The following ELMO1 variants were observed in gnomAD, a reference collection of about 807,000 sequenced individuals.
ELMO1 encodes engulfment and cell motility 1.
Under a neutral mutation model 98.9 loss-of-function variants are expected in ELMO1, and 26 were observed. That is an observed-to-expected ratio of 0.26 (90% CI 0.19 to 0.36). The LOEUF (loss-of-function observed/expected upper bound fraction) is 0.36, where lower values mean the gene tolerates loss of function less well. Ranked by LOEUF, ELMO1 falls within the 10% of genes least tolerant of loss-of-function variation. The pLI, the probability that ELMO1 is intolerant of heterozygous loss-of-function variation, is 1.00. For missense variants in ELMO1, 627 were observed against 935.2 expected (o/e 0.67, Z 4.30); for synonymous variants, 346 against 346.0 (o/e 1.00, Z 0.00).
chr7:37,294,709 T>C (rs1335995302), intron 4 of ELMO1, among the ~76,000 whole-genome samples: 2 of 152,170 alleles, frequency 1.3e-5, no homozygotes, highest in East Asian at 1.9e-4. Flanking sequence ...ATATCATAAA[T>C]TCATCTCAGG....
chr7:37,314,820 A>G, intron 4 of ELMO1, 30 bp downstream of exon 4: 1 of 1,574,284 alleles, frequency 6.4e-7, no homozygotes, highest in Non-Finnish European at 8.7e-7. Flanking sequence ...TTCAATATGT[A>G]TCCCATATTA....
At chr7:36,934,376 C>T (rs1021758649) in intron 16 of ELMO1, among the ~76,000 whole-genome samples, 6 of 152,208 alleles carry the variant, frequency 3.9e-5, no homozygotes, top group South Asian at 2.1e-4. Flanking sequence ...CAGCTCTGCA[C>T]GGAGGGAAGA....
At chr7:37,364,105 A>G (rs1801805002) in intron 1 of ELMO1, among the ~76,000 whole-genome samples, 2 of 152,194 alleles carry the variant, frequency 1.3e-5, no homozygotes, top group South Asian at 4.1e-4. Context: ...GAAGTCAGAC[A>G]ATACCCCCAA....
chr7:37,326,353 G>A (rs934306644), intron 2 of ELMO1, among the ~76,000 whole-genome samples: 6 of 152,014 alleles, frequency 3.9e-5, no homozygotes, highest in African/African-American at 9.7e-5. Context: ...TCAGGAGTTC[G>A]AGACCAGCCT....
chr7:37,155,487 CAAAAAAAAAAAAA>C (rs781745325), intron 13 of ELMO1, among the ~76,000 whole-genome samples: 1 of 49,594 alleles, frequency 2.0e-5, no homozygotes, highest in Admixed American at 2.5e-4. Flanking sequence ...AAACGGAAAG[CAAAAAAAAAAAAA>C]AAAAAAAAGC....
At chr7:37,205,137 G>A (rs1051014471) in intron 13 of ELMO1, among the ~76,000 whole-genome samples, 14 of 152,280 alleles carry the variant, frequency 9.2e-5, no homozygotes, top group East Asian at 3.9e-4. Flanking sequence ...TATCACAGAC[G>A]GGACCCTCTG....
At chr7:37,058,606 C>T (rs1392780097) in intron 15 of ELMO1, among the ~76,000 whole-genome samples, 1 of 152,118 alleles carries the variant, frequency 6.6e-6, no homozygotes, top group African/African-American at 2.4e-5. Context: ...AGAGTAAATG[C>T]ACACCTTTTG....
chr7:37,232,222 A>G (rs530869820), intron 8 of ELMO1, among the ~76,000 whole-genome samples: 1 of 152,224 alleles, frequency 6.6e-6, no homozygotes, highest in Non-Finnish European at 1.5e-5. Context: ...TCTGGCTTGC[A>G]CAGATTCACT....
chr7:37,385,506 T>A (rs1802763145), intron 1 of ELMO1, among the ~76,000 whole-genome samples: 1 of 152,208 alleles, frequency 6.6e-6, no homozygotes, highest in Admixed American at 6.5e-5. Flanking sequence ...TTGGCTCCTA[T>A]CTAAAATGGT....
intron 1 of ELMO1, among the ~76,000 whole-genome samples, chr7:37,388,377 A>C (rs763951824): frequency 2.6e-5 from 4 of 151,722 alleles, no homozygotes; most frequent in Non-Finnish European, 5.9e-5. Context: ...TGTTGTAATA[A>C]GTAATCCTGA....
chr7:37,034,616 T>C (rs1169483297), intron 15 of ELMO1, among the ~76,000 whole-genome samples: 6 of 152,192 alleles, frequency 3.9e-5, no homozygotes, highest in Admixed American at 3.9e-4. Context: ...ATATGTATTA[T>C]ATATTGTATT....
intron 15 of ELMO1, among the ~76,000 whole-genome samples, chr7:37,042,654 G>A (rs1795585634): frequency 6.6e-6 from 1 of 152,146 alleles, no homozygotes; most frequent in Non-Finnish European, 1.5e-5. Context: ...CAAAATCTGA[G>A]ACATCCTGAA....
intron 21 of ELMO1, among the ~76,000 whole-genome samples, chr7:36,858,139 C>T (rs1371811715): frequency 6.6e-6 from 1 of 152,148 alleles, no homozygotes; most frequent in Admixed American, 6.5e-5. Flanking sequence ...TAAAGAGAAT[C>T]AAGTATTTAT....
At chr7:37,239,155 C>T (rs1014084367) in intron 7 of ELMO1, among the ~76,000 whole-genome samples, 3 of 151,360 alleles carry the variant, frequency 2.0e-5, no homozygotes, top group Non-Finnish European at 4.4e-5. Flanking sequence ...TGAAGGTTTT[C>T]GAGAAATGAT....
rs554203514 is a variant in ELMO1, at chr7:37,276,031, T to C, written c.193-4149A>G. Among the ~76,000 whole-genome samples, 4 of 152,312 alleles carry C rather than the reference T, an allele frequency of 2.6e-5. No homozygotes were observed. The South Asian group carries it at 6.2e-4, about 24-fold the overall frequency. On this transcript the variant is annotated intron_variant, in intron 4 of 21. Coordinates refer to ENST00000310758, the MANE Select transcript of ELMO1 (RefSeq NM_014800.11). ...CCACACAGGAGGCATAGTGCATAGC[T>C]TAAAAGTGATGGGGCCACCCAGACT...
At chr7:36,886,398 C>T (rs888248708) in intron 18 of ELMO1, among the ~76,000 whole-genome samples, 1 of 152,204 alleles carries the variant, frequency 6.6e-6, no homozygotes, top group South Asian at 2.1e-4. Flanking sequence ...ATATGCAGCA[C>T]AGGACAGTTA....
At chr7:37,292,676 C>T (rs1328199078) in intron 4 of ELMO1, among the ~76,000 whole-genome samples, 2 of 104,372 alleles carry the variant, frequency 1.9e-5, no homozygotes, top group Non-Finnish European at 4.5e-5. Flanking sequence ...GCCCAGCAGC[C>T]ACCCCGTCTG....
chr7:36,968,241 A>T (rs1002854851), intron 16 of ELMO1, among the ~76,000 whole-genome samples: 1 of 152,166 alleles, frequency 6.6e-6, no homozygotes, highest in Admixed American at 6.5e-5. Flanking sequence ...GTCTTCCTAA[A>T]GTCTCTCTTA....
intron 15 of ELMO1, among the ~76,000 whole-genome samples, chr7:37,050,983 T>G (rs1157043606): frequency 1.3e-5 from 2 of 152,224 alleles, no homozygotes; most frequent in African/African-American, 4.8e-5. Flanking sequence ...TCTAAGGGCT[T>G]CAGACAGGAT....
Sources: gnomAD v4.1 joint callset for allele counts (sites outside exome capture counted in the v4.1 genomes callset) on GRCh38, gnomAD v4.1.1 for gene constraint, MANE v1.5 for transcripts, NCBI Gene and HGNC (gene_info 2026-07-23, HGNC 2026-07-21) for gene names.